The following TMEM182 variants were observed in gnomAD, a reference collection of about 807,000 sequenced individuals.
The protein encoded by TMEM182 is transmembrane protein 182.
In TMEM182, 20 loss-of-function variants were observed where a neutral mutation model predicts 26.8. The observed-to-expected ratio is 0.75, with a 90% CI of 0.53 to 1.09. The LOEUF (loss-of-function observed/expected upper bound fraction) is 1.09, where lower values mean the gene tolerates loss of function less well. TMEM182 is among the 50% of genes least tolerant of loss of function. TMEM182 has a pLI of 0.00. For missense variants in TMEM182, 277 were observed against 275.5 expected (o/e 1.01, Z -0.04); for synonymous variants, 109 against 102.2 (o/e 1.07, Z -0.40).
intron 3 of TMEM182, among the ~76,000 whole-genome samples, chr2:102,838,096 T>G (rs1317590624): frequency 3.3e-5 from 5 of 152,208 alleles, no homozygotes; most frequent in Non-Finnish European, 7.3e-5. Flanking sequence ...GTTTATAAAT[T>G]CATGAAGTCT....
chr2:102,777,804 A>G (rs1448577162), intron 3 of TMEM182, among the ~76,000 whole-genome samples: 1 of 147,006 alleles, frequency 6.8e-6, no homozygotes, highest in Non-Finnish European at 1.5e-5. Flanking sequence ...CTTATTGCAC[A>G]GACTATGACT....
At chr2:102,736,999 C>T in exon 1 of TMEM182, 3 of 608,034 alleles carry the variant, frequency 4.9e-6, no homozygotes, top group Non-Finnish European at 8.4e-6. Context: ...GGGGACTGGG[C>T]ACATCATCAA....
chr2:102,821,816 G>A (rs1459534203), downstream of TMEM182, among the ~76,000 whole-genome samples: 5 of 151,818 alleles, frequency 3.3e-5, no homozygotes, highest in African/African-American at 1.2e-4. Flanking sequence ...GTGAAATCCC[G>A]TCTCTACTAA....
chr2:102,746,881 C>T (rs1429778297), intron 1 of TMEM182, among the ~76,000 whole-genome samples: 2 of 152,206 alleles, frequency 1.3e-5, no homozygotes, highest in Non-Finnish European at 2.9e-5. Context: ...GCCACCATGC[C>T]TGGTGTTAAT....
At chr2:102,790,035 C>T (rs1681568501) in intron 3 of TMEM182, among the ~76,000 whole-genome samples, 1 of 152,136 alleles carries the variant, frequency 6.6e-6, no homozygotes, top group Non-Finnish European at 1.5e-5. Flanking sequence ...CATTCGACAC[C>T]ATAATATTCA....
chr2:102,770,650 C>G (rs1680634533), intron 3 of TMEM182, among the ~76,000 whole-genome samples: 1 of 152,166 alleles, frequency 6.6e-6, no homozygotes, highest in African/African-American at 2.4e-5. Flanking sequence ...GGGGTTGTAT[C>G]AGAATGATGG....
intron 3 of TMEM182, 88 bp from the exon 4 acceptor site, chr2:102,797,775 G>C (rs1558777783): frequency 6.7e-7 from 1 of 1,485,006 alleles, no homozygotes; most frequent in East Asian, 2.3e-5. Flanking sequence ...GAAAAATGAA[G>C]ATGAAAGCAA....
chr2:102,796,600 T>G (rs905558002), intron 3 of TMEM182, among the ~76,000 whole-genome samples: 1 of 152,240 alleles, frequency 6.6e-6, no homozygotes, highest in Non-Finnish European at 1.5e-5. Flanking sequence ...TTAGTATCTC[T>G]TCACTGCCCT....
intron 3 of TMEM182, among the ~76,000 whole-genome samples, chr2:102,783,948 G>A (rs191330257): frequency 6.6e-5 from 10 of 151,576 alleles, no homozygotes; most frequent in African/African-American, 2.2e-4. Flanking sequence ...CAGCTATCTT[G>A]TCTGTCCCAA....
Position 102,830,007 on chromosome 2 carries a change from C to T in TMEM182, c.326-13405C>T, listed in dbSNP as rs545761402. On this transcript the variant is annotated intron_variant, in intron 3 of 3. Transcript: ENST00000486293. ...GTTGAAGGGTAAAGGGAAGTGTGTT[C>T]GTATTGCTTGTATACCATTAAGGGA... is the stretch of plus-strand genomic sequence containing the variant. 5.9e-5 allele frequency among the ~76,000 whole-genome samples: 9 copies of T among 152,240 alleles called. No individual in the cohort carries two copies. In the East Asian group the frequency reaches 1.3e-3, roughly 23 times the overall value.
chr2:102,809,299 T>A lies in TMEM182; in HGVS notation c.470-5449T>A, dbSNP rs1682462862. On this transcript the variant is annotated intron_variant, in intron 4 of 4. Coordinates refer to ENST00000412401, the MANE Select transcript of TMEM182 (RefSeq NM_144632.5). ...CAGAAGGCATTCCCAGTATCTCCCT[T>A]GAAGAATTGCTTCGTTTCTTCTTCA... Among the ~76,000 whole-genome samples the A allele has an allele frequency of 3.3e-5, 5 of 152,256 alleles. No homozygotes were observed. In the South Asian group the frequency reaches 1.0e-3, roughly 31 times the overall value.
rs148918467 is a variant in TMEM182 at position 102,762,685 on chromosome 2, C to G, written c.231C>G (p.Tyr77Ter). 2 of 1,610,830 alleles carry G rather than the reference C, an allele frequency of 1.2e-6. No homozygotes were observed. Among genetic ancestry groups the G allele is most frequent in the Admixed American group, 1.7e-5 (1 of 59,766 alleles). The change falls in exon 2 of 5, where the codon TAC (tyrosine) becomes TAG (stop). Residue 77 changes from tyrosine (Y) to a stop codon, truncating the protein, a stop_gained and splice_region_variant. Transcript: ENST00000412401. LOFTEE classifies it high-confidence loss of function. ...ENDSNIWKFW[Y>*]TNQPPSKNCT... ...ACTCCAATATTTGGAAGTTCTGGTA[C>G]AGTAAGTACAATTTAGCTTTATTTT... is the stretch of plus-strand genomic sequence containing the variant.
chr2:102,757,480 T>G (rs916310434), upstream of TMEM182: 5 of 152,164 alleles, frequency 3.3e-5, no homozygotes, highest in Non-Finnish European at 5.9e-5. Flanking sequence ...GGAGAGTGGA[T>G]GCCCACAGAG....
In TMEM182 at chr2:102,774,250, C is replaced by CTTTTTT. The variant is rs774047240; in HGVS notation, c.331+9840_331+9845dup. On this transcript the variant is annotated intron_variant, in intron 3 of 4. Coordinates refer to ENST00000412401, the MANE Select transcript of TMEM182 (RefSeq NM_144632.5). ...GATGTTTTTTACACTTTCTTTCTTT[C>CTTTTTT]TTTTTTTTTTTTTTTTTTTTTTGGT... Among the ~76,000 whole-genome samples, 65 of 96,132 alleles carry CTTTTTT rather than the reference C, an allele frequency of 6.8e-4. 2 individuals carry two copies. Among genetic ancestry groups the CTTTTTT allele is most frequent in the South Asian group, 8.3e-4 (2 of 2,424 alleles). The allele number at this position is 96,132 out of a possible 152,430, so 63.1% of individuals were successfully genotyped here. A position where few individuals can be genotyped will look rare whatever the true frequency, so the allele number is the denominator to read the frequency against.
At chr2:102,739,357 A>T (rs993140879) in intron 1 of TMEM182, among the ~76,000 whole-genome samples, 2 of 152,142 alleles carry the variant, frequency 1.3e-5, no homozygotes, top group African/African-American at 4.8e-5. Flanking sequence ...CTCAATTTTG[A>T]TGTATAGCGT....
chr2:102,759,413 T>A (rs1680142638), upstream of TMEM182, among the ~76,000 whole-genome samples: 1 of 152,100 alleles, frequency 6.6e-6, no homozygotes, highest in East Asian at 1.9e-4. Context: ...TCCATATATT[T>A]TGTTCTAACA....
At chr2:102,762,015 C>T (rs1008839223), upstream of TMEM182, 83 of 466,426 alleles carry the variant, frequency 1.8e-4, no homozygotes, top group East Asian at 1.4e-3. Flanking sequence ...CCTCCAGGGG[C>T]GAGCAAAGGG....
intron 3 of TMEM182, among the ~76,000 whole-genome samples, chr2:102,795,223 A>G (rs1334504737): frequency 1.3e-5 from 2 of 152,212 alleles, no homozygotes. Flanking sequence ...TCTAATAACT[A>G]CTTTCAAGTC....
intron 3 of TMEM182, among the ~76,000 whole-genome samples, chr2:102,795,243 A>G (rs1009069170): frequency 6.6e-6 from 1 of 152,180 alleles, no homozygotes; most frequent in African/African-American, 2.4e-5. Flanking sequence ...CTGTCTGATA[A>G]TTCATATATC....
Sources: gnomAD v4.1 joint callset for allele counts (sites outside exome capture counted in the v4.1 genomes callset) on GRCh38, gnomAD v4.1.1 for gene constraint, MANE v1.5 for transcripts, NCBI Gene and HGNC (gene_info 2026-07-23, HGNC 2026-07-21) for gene names.